Variants in RBFOX1 observed in about 807,000 individuals in gnomAD.
The protein encoded by RBFOX1 is RNA binding protein fox-1 homolog 1.
Under a neutral mutation model 57.7 loss-of-function variants are expected in RBFOX1, and 8 were observed. The ratio of observed to expected loss-of-function variants is 0.14; its 90% CI spans 0.08 to 0.25. RBFOX1 has a LOEUF of 0.25. Ranked by LOEUF, RBFOX1 falls within the 10% of genes least tolerant of loss-of-function variation. RBFOX1 has a pLI of 1.00. For missense variants in RBFOX1, 611 were observed against 548.5 expected (o/e 1.11, Z -1.14); for synonymous variants, 326 against 222.4 (o/e 1.47, Z -4.15).
At chr16:6,736,612 A>G (rs543809428) in intron 3 of RBFOX1, among the ~76,000 whole-genome samples, 9 of 152,364 alleles carry the variant, frequency 5.9e-5, no homozygotes, top group African/African-American at 1.9e-4. Context: ...TTGTGCCACT[A>G]TAAACATGCA....
At chr16:7,633,735 G>C (rs757004597) in intron 11 of RBFOX1, among the ~76,000 whole-genome samples, 1 of 152,194 alleles carries the variant, frequency 6.6e-6, no homozygotes, top group Non-Finnish European at 1.5e-5. Context: ...TGGGTAGGCA[G>C]AGGGGCCTTC....
At chr16:6,584,388 G>A (rs1400016785) in intron 2 of RBFOX1, among the ~76,000 whole-genome samples, 1 of 132,562 alleles carries the variant, frequency 7.5e-6, no homozygotes, top group Non-Finnish European at 1.6e-5. Flanking sequence ...TTATTATTGA[G>A]ACATGGTCTT....
intron 1 of RBFOX1, among the ~76,000 whole-genome samples, chr16:5,262,581 A>G (rs559771080): frequency 2.6e-3 from 390 of 152,270 alleles, no homozygotes; most frequent in Middle Eastern, 6.8e-3. Flanking sequence ...CTCCATAACC[A>G]TGTGAGCCAT....
chr16:6,123,286 T>A (rs962253817), intron 1 of RBFOX1, among the ~76,000 whole-genome samples: 1 of 152,186 alleles, frequency 6.6e-6, no homozygotes, highest in Non-Finnish European at 1.5e-5. Flanking sequence ...ATAAATAAGA[T>A]GTGGTACATA....
intron 4 of RBFOX1, among the ~76,000 whole-genome samples, chr16:5,919,175 T>C (rs984753362): frequency 6.6e-6 from 1 of 152,160 alleles, no homozygotes; most frequent in East Asian, 1.9e-4. Flanking sequence ...TACAAATTGC[T>C]GACACTTCAG....
In RBFOX1 at chr16:6,674,262, G is replaced by A. The variant is rs1207879397; in HGVS notation, c.-16+19612G>A. On this transcript the variant is annotated intron_variant, in intron 3 of 15. Transcript: ENST00000550418. ...TTTGCAGATGTTATCAAGTTAAAAT[G>A]ACGTCATCCTGGATTGGAGCAGTCG... Among the ~76,000 whole-genome samples the A allele has an allele frequency of 2.0e-5, 3 of 152,156 alleles. No individual in the cohort carries two copies. The East Asian group carries it at 5.8e-4, about 29-fold the overall frequency.
chr16:6,903,033 C>T (rs991297300), intron 3 of RBFOX1, among the ~76,000 whole-genome samples: 1 of 152,102 alleles, frequency 6.6e-6, no homozygotes, highest in Non-Finnish European at 1.5e-5. Flanking sequence ...GATGACTGCT[C>T]CTGTGAAGTG....
intron 3 of RBFOX1, among the ~76,000 whole-genome samples, chr16:5,619,921 A>C (rs2048153896): frequency 6.7e-6 from 1 of 149,808 alleles, no homozygotes; most frequent in Non-Finnish European, 1.5e-5. Flanking sequence ...TACAGCCATT[A>C]TTTTTTACTG....
intron 3 of RBFOX1, among the ~76,000 whole-genome samples, chr16:6,771,348 C>A (rs193160333): frequency 6.6e-6 from 1 of 152,178 alleles, no homozygotes; most frequent in Non-Finnish European, 1.5e-5. Flanking sequence ...ATGTTGGTAT[C>A]TTCTTAGATA....
chr16:7,318,984 C>G, intron 4 of RBFOX1, among the ~76,000 whole-genome samples: 1 of 152,152 alleles, frequency 6.6e-6, no homozygotes. Context: ...AGTATGGGAA[C>G]ATATGGGATG....
intron 3 of RBFOX1, among the ~76,000 whole-genome samples, chr16:6,913,101 T>C (rs2072131591): frequency 6.6e-6 from 1 of 152,204 alleles, no homozygotes; most frequent in South Asian, 2.1e-4. Context: ...AAGCAACGTC[T>C]GTCCACCCAC....
intron 4 of RBFOX1, among the ~76,000 whole-genome samples, chr16:7,298,814 C>G (rs1244126189): frequency 1.3e-5 from 2 of 152,066 alleles, no homozygotes; most frequent in African/African-American, 4.8e-5. Context: ...ATGTTTTCAT[C>G]TTTGTCATTT....
chr16:7,018,931 C>A (rs868728159), intron 3 of RBFOX1, among the ~76,000 whole-genome samples: 28 of 151,942 alleles, frequency 1.8e-4, no homozygotes, highest in African/African-American at 6.8e-4. Context: ...CCAGCCTGGG[C>A]AACACAGTGA....
intron 4 of RBFOX1, among the ~76,000 whole-genome samples, chr16:7,379,940 G>A (rs1462533642): frequency 6.6e-6 from 1 of 151,956 alleles, no homozygotes; most frequent in Admixed American, 6.6e-5. Flanking sequence ...CCACAGCCTT[G>A]GCCTCCTGGG....
intron 1 of RBFOX1, among the ~76,000 whole-genome samples, chr16:5,331,278 C>G (rs75193801): frequency 6.6e-6 from 1 of 152,178 alleles, no homozygotes; most frequent in South Asian, 2.1e-4. Context: ...ATGTATCTCA[C>G]GTGCTTTGGG....
At chr16:7,168,299 C>G (rs67241118) in intron 4 of RBFOX1, among the ~76,000 whole-genome samples, 26,679 of 150,946 alleles carry the variant, frequency 0.18, 3,331 homozygotes, top group East Asian at 0.42. Context: ...ATGAAATGGA[C>G]CAAGGTCTGT....
intron 3 of RBFOX1, among the ~76,000 whole-genome samples, chr16:5,726,159 C>T (rs1017534184): frequency 2.0e-5 from 3 of 151,822 alleles, no homozygotes; most frequent in Non-Finnish European, 2.9e-5. Context: ...AGTTTAATTT[C>T]CCTTCCCTAA....
intron 4 of RBFOX1, among the ~76,000 whole-genome samples, chr16:7,311,655 A>G (rs942088777): frequency 6.6e-6 from 1 of 152,016 alleles, no homozygotes; most frequent in Admixed American, 6.6e-5. Context: ...AAAGGTTGAG[A>G]GCAATATTGG....
chr16:5,699,278 A>T (rs573563021), intron 3 of RBFOX1, among the ~76,000 whole-genome samples: 1 of 151,328 alleles, frequency 6.6e-6, no homozygotes, highest in Non-Finnish European at 1.5e-5. Flanking sequence ...CAGTTATATC[A>T]CCTCAGTCTT....
Sources: gnomAD v4.1 joint callset for allele counts (sites outside exome capture counted in the v4.1 genomes callset) on GRCh38, gnomAD v4.1.1 for gene constraint, MANE v1.5 for transcripts, NCBI Gene and HGNC (gene_info 2026-07-23, HGNC 2026-07-21) for gene names.